The following ATL2 variants were observed in gnomAD, a reference collection of about 807,000 sequenced individuals.
ATL2 encodes atlastin GTPase 2.
In ATL2, 31 loss-of-function variants were observed where a neutral mutation model predicts 73.9. The ratio of observed to expected loss-of-function variants is 0.42; its 90% CI spans 0.32 to 0.57. The LOEUF (loss-of-function observed/expected upper bound fraction) is 0.57. ATL2 is among the 20% of genes least tolerant of loss of function. The pLI is 0.14. For missense variants in ATL2, 738 were observed against 702.6 expected (o/e 1.05, Z -0.57); for synonymous variants, 291 against 237.5 (o/e 1.23, Z -2.07).
chr2:38,336,772 T>C (rs1231558167), intron 2 of ATL2, among the ~76,000 whole-genome samples: 3 of 152,228 alleles, frequency 2.0e-5, no homozygotes, highest in Non-Finnish European at 4.4e-5. Flanking sequence ...CACAGGGTTA[T>C]TTCTGAATAC....
At chr2:38,316,279 G>A (rs1411675808) in intron 4 of ATL2, among the ~76,000 whole-genome samples, 1 of 152,212 alleles carries the variant, frequency 6.6e-6, no homozygotes, top group Non-Finnish European at 1.5e-5. Context: ...AGTAATTGAT[G>A]ACTGAGGTGA....
intron 1 of ATL2, among the ~76,000 whole-genome samples, chr2:38,359,236 G>A (rs1335686985): frequency 3.9e-5 from 6 of 152,098 alleles, no homozygotes; most frequent in African/African-American, 9.7e-5. Context: ...TTGGGAGGCC[G>A]AGGTGGGTGG....
intron 2 of ATL2, among the ~76,000 whole-genome samples, chr2:38,334,186 C>T (rs1195799188): frequency 6.6e-6 from 1 of 151,736 alleles, no homozygotes; most frequent in Non-Finnish European, 1.5e-5. Flanking sequence ...CCTGCCACCA[C>T]CCCTGGCTAA....
In ATL2 at chr2:38,318,901, C is replaced by G. The variant is rs374368136; in HGVS notation, c.482G>C (p.Arg161Thr). The G allele has an allele frequency of 2.4e-5, 39 of 1,613,246 alleles. No individual in the cohort carries two copies. The African/African-American group carries it at 4.1e-4, about 17-fold the overall frequency. ...QVWNEVFVIDRPNGTKVAVLL... is the reference protein window; with the variant it reads ...QVWNEVFVIDTPNGTKVAVLL... ...GAATTTTACTTTAGTTCCATTAGGT[C>G]TGTCAATCACAAATACTTCATTCCA... The change falls in exon 3 of 13, where the codon AGA becomes ACA. Residue 161 changes from arginine (R) to threonine (T), a missense_variant. Coordinates refer to ENST00000378954, the MANE Select transcript of ATL2 (RefSeq NM_001135673.4).
chr2:38,320,987 C>CAA lies in ATL2; in HGVS notation c.364-1970_364-1969dup, dbSNP rs34929294. Among the ~76,000 whole-genome samples, 762 of 94,504 alleles carry CAA rather than the reference C, an allele frequency of 8.1e-3. 10 individuals carry two copies. Among genetic ancestry groups the CAA allele is most frequent in the African/African-American group, 0.024 (655 of 26,760 alleles). The allele number at this position is 94,504 out of a possible 152,430, so 62.0% of individuals were successfully genotyped here. A position where few individuals can be genotyped will look rare whatever the true frequency, so the allele number is the denominator to read the frequency against. On this transcript the variant is annotated intron_variant, in intron 2 of 12. Coordinates refer to ENST00000378954, the MANE Select transcript of ATL2 (RefSeq NM_001135673.4). ...TGAAACCCCCTCTCTACCAAAATGA[C>CAA]AAAAAAAAAAAAAAAAAATTAGCCA... is the stretch of plus-strand genomic sequence containing the variant.
intron 1 of ATL2, among the ~76,000 whole-genome samples, chr2:38,351,516 C>G (rs1670345539): frequency 6.8e-6 from 1 of 147,550 alleles, no homozygotes; most frequent in South Asian, 2.1e-4. Flanking sequence ...TTTTTTGAGA[C>G]AGAGTTTTGC....
rs1669941905 is a variant in ATL2, at chr2:38,345,027, T to C, written c.119-1515A>G. On this transcript the variant is annotated intron_variant, in intron 1 of 12. Coordinates refer to ENST00000378954, the MANE Select transcript of ATL2 (RefSeq NM_001135673.4). Reference sequence around the variant, plus strand: ...ACTTCCAAAGTCTAGGTTTCTGTTCTTCTTTAAAAAAAACACCTAGCTTCA... The same window carrying C: ...ACTTCCAAAGTCTAGGTTTCTGTTCCTCTTTAAAAAAAACACCTAGCTTCA... 2.0e-5 allele frequency among the ~76,000 whole-genome samples: 3 copies of C among 152,298 alleles called. No individual in the cohort carries two copies. In the South Asian group the frequency reaches 6.2e-4, roughly 32 times the overall value.
chr2:38,320,926 C>T (rs1378790740), intron 2 of ATL2, among the ~76,000 whole-genome samples: 2 of 151,212 alleles, frequency 1.3e-5, no homozygotes, highest in African/African-American at 4.9e-5. Flanking sequence ...AGGTGGATCA[C>T]TTGAGGCTAG....
intron 6 of ATL2, among the ~76,000 whole-genome samples, 155 bp from the exon 7 acceptor site, chr2:38,313,398 C>G (rs1182964659): frequency 6.6e-6 from 1 of 152,146 alleles, no homozygotes; most frequent in Non-Finnish European, 1.5e-5. Flanking sequence ...ATGGTTATAT[C>G]AAGGACCCAC....
chr2:38,355,703 C>CTTT (rs34580648), intron 1 of ATL2, among the ~76,000 whole-genome samples: 3 of 136,890 alleles, frequency 2.2e-5, no homozygotes, highest in East Asian at 2.1e-4. Context: ...TTGTTTGGTT[C>CTTT]TTTTTTTTTT....
intron 2 of ATL2, among the ~76,000 whole-genome samples, chr2:38,336,859 C>A (rs1347443800): frequency 1.3e-5 from 2 of 152,162 alleles, no homozygotes; most frequent in Non-Finnish European, 2.9e-5. Flanking sequence ...ACCGTTACAT[C>A]ACAAAATAGT....
rs757480039 is a variant in ATL2 at position 38,298,623 on chromosome 2, T to G, written c.1201-48A>C. ...TTACATGCTAGAAATAATTAACACTTGAAAGAAGTTCCTGTTCATAGTTTT... is the reference window on the plus strand; with the variant it reads ...TTACATGCTAGAAATAATTAACACTGGAAAGAAGTTCCTGTTCATAGTTTT... On this transcript the variant is annotated intron_variant, in intron 11 of 12. Transcript: ENST00000378954. The G allele has an allele frequency of 7.1e-6, 11 of 1,543,600 alleles. No homozygotes were observed. The East Asian group carries it at 2.3e-4, about 32-fold the overall frequency.
intron 2 of ATL2, among the ~76,000 whole-genome samples, chr2:38,322,052 T>C (rs181358452): frequency 3.3e-5 from 5 of 152,330 alleles, no homozygotes; most frequent in Non-Finnish European, 4.4e-5. Flanking sequence ...GTTACCTTTA[T>C]ATGGTTTTGC....
chr2:38,343,111 G>A (rs1199175853), intron 2 of ATL2, among the ~76,000 whole-genome samples, 157 bp downstream of exon 2: 1 of 126,360 alleles, frequency 7.9e-6, no homozygotes, highest in African/African-American at 3.1e-5. Context: ...TCACACCACT[G>A]CACTCCATCC....
At chr2:38,376,853 G>A (rs900349560) in intron 1 of ATL2, among the ~76,000 whole-genome samples, 2 of 150,832 alleles carry the variant, frequency 1.3e-5, no homozygotes, top group South Asian at 2.1e-4. Flanking sequence ...CACGGCGGCA[G>A]CCACGCGGCG....
At chr2:38,319,477 T>C (rs1056491447) in intron 2 of ATL2, among the ~76,000 whole-genome samples, 5 of 151,804 alleles carry the variant, frequency 3.3e-5, no homozygotes, top group Admixed American at 6.6e-5. Flanking sequence ...CACACTCCTG[T>C]AGTCCCGGCT....
chr2:38,353,165 T>G (rs559466112), intron 1 of ATL2, among the ~76,000 whole-genome samples: 1 of 152,302 alleles, frequency 6.6e-6, no homozygotes, highest in African/African-American at 2.4e-5. Flanking sequence ...GACAAATGCT[T>G]TTAACCAGAT....
chr2:38,314,572 A>G, intron 6 of ATL2, 36 bp downstream of exon 6: 1 of 1,481,850 alleles, frequency 6.7e-7, no homozygotes, highest in Non-Finnish European at 9.4e-7. Context: ...AACTTCTCAT[A>G]GGCTAATCTT....
At chr2:38,371,802 C>T (rs1318656593) in intron 1 of ATL2, among the ~76,000 whole-genome samples, 3 of 151,948 alleles carry the variant, frequency 2.0e-5, no homozygotes, top group African/African-American at 7.3e-5. Flanking sequence ...GGGGCTGAGG[C>T]ACAAGAATCG....
Sources: allele counts gnomAD v4.1 joint callset (sites outside exome capture counted in the v4.1 genomes callset), GRCh38; gene constraint gnomAD v4.1.1; transcripts MANE v1.5; gene names NCBI Gene and HGNC (gene_info 2026-07-23, HGNC 2026-07-21).